The following SDK2 variants were observed in gnomAD, a reference collection of about 807,000 sequenced individuals.
SDK2 encodes the protein sidekick cell adhesion molecule 2, also known as protein sidekick-2.
Under a neutral mutation model 253.9 loss-of-function variants are expected in SDK2, and 105 were observed. The observed-to-expected ratio is 0.41, with a 90% CI of 0.35 to 0.49. The LOEUF (loss-of-function observed/expected upper bound fraction) is 0.49, where lower values mean the gene tolerates loss of function less well. Ranked by LOEUF, SDK2 falls within the 20% of genes least tolerant of loss-of-function variation. The pLI is 0.06. For synonymous variants in SDK2, 1,249 were observed against 1,234.9 expected (o/e 1.01, Z -0.24); for missense variants, 2,608 against 3,003.0 (o/e 0.87, Z 3.07).
At chr17:73,562,848 C>G (rs530441522) in intron 1 of SDK2, among the ~76,000 whole-genome samples, 1 of 152,252 alleles carries the variant, frequency 6.6e-6, no homozygotes, top group African/African-American at 2.4e-5. Context: ...TTCATCCTGG[C>G]AGCAGCCGCA....
chr17:73,405,679 AG>A (rs1295769609), intron 18 of SDK2, among the ~76,000 whole-genome samples: 1 of 150,518 alleles, frequency 6.6e-6, no homozygotes, highest in African/African-American at 2.4e-5. Context: ...TGATATAAAA[AG>A]GTGTAGTATT....
intron 1 of SDK2, among the ~76,000 whole-genome samples, chr17:73,571,620 A>G (rs1195268270): frequency 6.6e-6 from 1 of 152,162 alleles, no homozygotes; most frequent in Non-Finnish European, 1.5e-5. Context: ...TCTCCACAGC[A>G]CTCATTAGGG....
At chr17:73,587,444 C>T (rs2045617622) in intron 1 of SDK2, among the ~76,000 whole-genome samples, 1 of 152,230 alleles carries the variant, frequency 6.6e-6, no homozygotes, top group Non-Finnish European at 1.5e-5. Flanking sequence ...CTGGGTCACT[C>T]CAGCATCACC....
intron 40 of SDK2, among the ~76,000 whole-genome samples, chr17:73,353,094 A>AG (rs1366927341): frequency 6.6e-6 from 1 of 151,494 alleles, no homozygotes; most frequent in African/African-American, 2.4e-5. Flanking sequence ...CAGTCTCAAA[A>AG]AAAAAAGACA....
At chr17:73,406,316 T>C (rs2063078806) in intron 18 of SDK2, among the ~76,000 whole-genome samples, 1 of 150,872 alleles carries the variant, frequency 6.6e-6, no homozygotes, top group African/African-American at 2.4e-5. Flanking sequence ...AGATCTCCGC[T>C]CACTGCAATC....
At chr17:73,613,782 G>A (rs1017222166) in intron 1 of SDK2, among the ~76,000 whole-genome samples, 11 of 152,032 alleles carry the variant, frequency 7.2e-5, no homozygotes, top group Middle Eastern at 3.4e-3. Context: ...AGCCCCCTGC[G>A]ATGAGGAGGG....
chr17:73,363,712 CAG>C (rs1266788031), intron 38 of SDK2, among the ~76,000 whole-genome samples: 1 of 152,066 alleles, frequency 6.6e-6, no homozygotes, highest in Non-Finnish European at 1.5e-5. Flanking sequence ...CAGATCCCAC[CAG>C]ACTGTGGAAT....
chr17:73,610,841 G>A (rs790094), intron 1 of SDK2, among the ~76,000 whole-genome samples: 2,589 of 147,202 alleles, frequency 0.018, 71 homozygotes, highest in African/African-American at 0.06. Flanking sequence ...GTGCGTGTGC[G>A]TGTGTGTGTG....
In SDK2 at chr17:73,643,993, C is replaced by CT; in HGVS notation, c.64+31dup. 1 of 1,519,946 alleles carries CT rather than the reference C, an allele frequency of 6.6e-7. No individual in the cohort carries two copies. The highest frequency in any genetic ancestry group is 8.9e-7 in the Non-Finnish European group (1 of 1,120,828). The allele number at this position is 1,519,946 out of a possible 1,614,324, so 94.2% of individuals were successfully genotyped here. A position where few individuals can be genotyped will look rare whatever the true frequency, so the allele number is the denominator to read the frequency against. The stretch of plus-strand genomic sequence containing the variant: ...CTCCCCCGCCCACTCTCCCAGCCCC[C>CT]TCCCTGTCCCCACGTGGGGGTCCCT... On this transcript the variant is annotated intron_variant, in intron 1 of 44. Transcript: ENST00000392650. The surrounding 1 kb of genome is among the most constrained non-coding windows in gnomAD (Gnocchi z 6.9).
Position 73,354,814 on chromosome 17 carries a change from G to A in SDK2, c.5594-2177C>T, listed in dbSNP as rs1003265425. ...CGCCGTTCTGCTTCTGCACCCTCTG[G>A]TTGAAGCTGCTCTCCCGCCAGAGGT... On this transcript the variant is annotated intron_variant, in intron 40 of 44. Coordinates refer to ENST00000392650, the MANE Select transcript of SDK2 (RefSeq NM_001144952.2). Among the ~76,000 whole-genome samples the A allele has an allele frequency of 2.0e-5, 3 of 152,062 alleles. No individual in the cohort carries two copies. The South Asian group carries it at 6.2e-4, about 32-fold the overall frequency.
chr17:73,397,821 C>T (rs2062984152), intron 24 of SDK2, among the ~76,000 whole-genome samples: 1 of 152,234 alleles, frequency 6.6e-6, no homozygotes, highest in African/African-American at 2.4e-5. Flanking sequence ...TGCCACTTGG[C>T]GATGCTCAGT....
At chr17:73,470,182 G>A (rs1325492257) in intron 3 of SDK2, among the ~76,000 whole-genome samples, 1 of 152,034 alleles carries the variant, frequency 6.6e-6, no homozygotes, top group African/African-American at 2.4e-5. Context: ...GCACACATTT[G>A]CACTCACTCA....
intron 18 of SDK2, among the ~76,000 whole-genome samples, chr17:73,404,905 T>TCGGG (rs2063058418): frequency 6.6e-6 from 1 of 151,820 alleles, no homozygotes; most frequent in African/African-American, 2.4e-5. Context: ...ATGGAGGGTG[T>TCGGG]TGGGGGAGGG....
intron 44 of SDK2, among the ~76,000 whole-genome samples, chr17:73,343,630 AT>A (rs1368536175): frequency 6.6e-6 from 1 of 152,154 alleles, no homozygotes; most frequent in Admixed American, 6.5e-5. Context: ...TCAATCAGCA[AT>A]TACTGGGGTC....
At chr17:73,544,723 C>T (rs1280412090) in intron 1 of SDK2, among the ~76,000 whole-genome samples, 1 of 152,208 alleles carries the variant, frequency 6.6e-6, no homozygotes, top group African/African-American at 2.4e-5. Flanking sequence ...AACTTAACCT[C>T]TTCATTTCAC....
At chr17:73,344,878 G>A (rs956376613) in intron 44 of SDK2, among the ~76,000 whole-genome samples, 1 of 152,202 alleles carries the variant, frequency 6.6e-6, no homozygotes, top group South Asian at 2.1e-4. Flanking sequence ...AAACCTGCAC[G>A]CTTCCCTTCT....
At position 73,430,588 on chromosome 17, in the gene SDK2, G is replaced by C; in HGVS notation, c.1506C>G (p.Pro502=). 3 of 1,584,184 alleles carry C rather than the reference G, an allele frequency of 1.9e-6. No individual in the cohort carries two copies. The highest frequency in any genetic ancestry group is 2.3e-5 in the East Asian group (1 of 43,004). The change falls in exon 12 of 45, where the codon CCC becomes CCG. Residue 502 remains proline, a synonymous_variant. Coordinates refer to ENST00000392650, the MANE Select transcript of SDK2 (RefSeq NM_001144952.2). ...VWARTRITKP[P]QDQSVIKGTQ... ...TGCCCTTGATGACACTCTGATCCTG[G>C]GGGGGCTTGGTGATGCGGGTCCGAG...
intron 2 of SDK2, among the ~76,000 whole-genome samples, chr17:73,473,336 C>G (rs187744382): frequency 6.6e-6 from 1 of 152,170 alleles, no homozygotes; most frequent in African/African-American, 2.4e-5. Flanking sequence ...TGAAGGGGAC[C>G]GGGGTCCAGG....
At position 73,398,349 on chromosome 17, in the gene SDK2, C is replaced by G. The variant is rs559628757; in HGVS notation, c.3174G>C (p.Val1058=). Residue 1058 remains valine, a synonymous_variant, in exon 23 of 45, where the codon GTG becomes GTC. Transcript: ENST00000392650. ...AGCAGGTGAAGGGGTTGAGGTCGGG[C>G]ACCTCCATGGAGCGGGCATCGGGCT... is the stretch of plus-strand genomic sequence containing the variant. ...SNEPDARSME[V]PDLNPFTCYS... 1 of 1,613,874 alleles carries G rather than the reference C, an allele frequency of 6.2e-7. No homozygotes were observed. The highest frequency in any genetic ancestry group is 1.7e-5 in the Admixed American group (1 of 60,000).
Sources: gnomAD v4.1 joint callset for allele counts (sites outside exome capture counted in the v4.1 genomes callset) on GRCh38, gnomAD v4.1.1 for gene constraint, Gnocchi (gnomAD v3.1) non-coding constraint, MANE v1.5 for transcripts, NCBI Gene and HGNC (gene_info 2026-07-23, HGNC 2026-07-21) for gene names.